Variants in SLC24A2 observed in about 807,000 individuals in gnomAD.
The protein encoded by SLC24A2 is solute carrier family 24 member 2.
A neutral mutation model predicts 62.0 loss-of-function variants in SLC24A2; 36 were observed. The ratio of observed to expected loss-of-function variants is 0.58; its 90% confidence interval spans 0.44 to 0.77. The LOEUF (loss-of-function observed/expected upper bound fraction) is 0.77. Ranked by LOEUF, SLC24A2 falls within the 30% of genes least tolerant of loss-of-function variation. The pLI is 0.00. For synonymous variants in SLC24A2, 358 were observed against 294.0 expected, an observed-to-expected ratio of 1.22 and a Z score of -2.23; for missense variants, 846 against 817.9, an observed-to-expected ratio of 1.03 and a Z score of -0.42.
the SLC24A2 span, among the ~76,000 whole-genome samples, chr9:19,978,117 C>T: frequency 6.6e-6 from 1 of 152,138 alleles, no homozygotes; most frequent in African/African-American, 2.4e-5. Context: ...TTTCTATACT[C>T]TTGAATTTGT....
intron 2 of SLC24A2, among the ~76,000 whole-genome samples, chr9:19,747,678 C>T (rs961276294): frequency 1.2e-4 from 18 of 152,154 alleles, no homozygotes; most frequent in African/African-American, 4.3e-4. Flanking sequence ...TTCTCTAACT[C>T]ATATATTTCT....
At chr9:20,205,781 C>A in the SLC24A2 span, among the ~76,000 whole-genome samples, 23 of 151,528 alleles carry the variant, frequency 1.5e-4, no homozygotes, top group African/African-American at 5.3e-4. Context: ...ACAACTGACA[C>A]TATTTGCTAT....
the SLC24A2 span, among the ~76,000 whole-genome samples, chr9:20,215,798 G>A: frequency 6.6e-6 from 1 of 151,768 alleles, no homozygotes; most frequent in Non-Finnish European, 1.5e-5. Context: ...GGCTGGGCCT[G>A]TGAGATTACT....
intron 2 of SLC24A2, among the ~76,000 whole-genome samples, chr9:19,716,425 G>T (rs918558853): frequency 6.6e-6 from 1 of 152,134 alleles, no homozygotes; most frequent in African/African-American, 2.4e-5. Context: ...GATAGAACAG[G>T]GTTCCTAGCT....
At chr9:20,088,308 G>C in the SLC24A2 span, among the ~76,000 whole-genome samples, 1 of 152,260 alleles carries the variant, frequency 6.6e-6, no homozygotes, top group East Asian at 1.9e-4. Context: ...CTCCCAGAGG[G>C]AGGGGCAGGC....
At chr9:19,768,536 T>C (rs1822586243) in intron 2 of SLC24A2, among the ~76,000 whole-genome samples, 1 of 152,160 alleles carries the variant, frequency 6.6e-6, no homozygotes, top group Non-Finnish European at 1.5e-5. Flanking sequence ...GTTTCTTAAA[T>C]TTGATAACTG....
chr9:19,527,393 G>A (rs1315295128), intron 9 of SLC24A2, among the ~76,000 whole-genome samples: 1 of 152,176 alleles, frequency 6.6e-6, no homozygotes, highest in Non-Finnish European at 1.5e-5. Context: ...TTGAACCTAT[G>A]TATAGGGTTA....
At chr9:19,747,550 T>A (rs149437025) in intron 2 of SLC24A2, among the ~76,000 whole-genome samples, 2,819 of 152,318 alleles carry the variant, frequency 0.019, 58 homozygotes, top group South Asian at 0.066. Flanking sequence ...GTAATCAGCA[T>A]TTAATAGAAG....
chr9:20,274,367 GA>G, the SLC24A2 span, among the ~76,000 whole-genome samples: 2 of 152,180 alleles, frequency 1.3e-5, no homozygotes, highest in East Asian at 3.8e-4. Context: ...TAGCTCGCAT[GA>G]AGGACTTTGA....
the SLC24A2 span, among the ~76,000 whole-genome samples, chr9:20,134,660 A>G: frequency 6.6e-6 from 1 of 152,196 alleles, no homozygotes; most frequent in Non-Finnish European, 1.5e-5. Context: ...TTAGAGTCCC[A>G]TTAGTTTTCT....
chr9:20,134,976 C>T, the SLC24A2 span, among the ~76,000 whole-genome samples: 1 of 152,152 alleles, frequency 6.6e-6, no homozygotes, highest in African/African-American at 2.4e-5. Context: ...TCAGGCACCA[C>T]ATTATGTGAG....
chr9:20,011,402 T>C, the SLC24A2 span, among the ~76,000 whole-genome samples: 1 of 152,188 alleles, frequency 6.6e-6, no homozygotes, highest in South Asian at 2.1e-4. Flanking sequence ...GCTGCATAAA[T>C]GTCTTCTTTT....
chr9:19,821,295 A>G, the SLC24A2 span, among the ~76,000 whole-genome samples: 2 of 152,168 alleles, frequency 1.3e-5, no homozygotes, highest in Non-Finnish European at 1.5e-5. Context: ...TAGATTCTGC[A>G]TCTAGAATAC....
chr9:19,690,912 T>C (rs1351898921), intron 2 of SLC24A2, among the ~76,000 whole-genome samples: 1 of 132,040 alleles, frequency 7.6e-6, no homozygotes, highest in Admixed American at 8.1e-5. Flanking sequence ...ATTGTGTGTG[T>C]GCGTGTGAGA....
intron 5 of SLC24A2, among the ~76,000 whole-genome samples, chr9:19,583,611 G>A (rs554226014): frequency 3.3e-4 from 50 of 152,192 alleles, no homozygotes; most frequent in African/African-American, 1.1e-3. Context: ...CTTCCTGTAC[G>A]CCAATGACCC....
chr9:20,041,106 C>T, the SLC24A2 span, among the ~76,000 whole-genome samples: 1 of 152,200 alleles, frequency 6.6e-6, no homozygotes, highest in Non-Finnish European at 1.5e-5. Flanking sequence ...TGTGTGCTTG[C>T]ATATGAGAAT....
chr9:20,032,419 T>TATTC, the SLC24A2 span, among the ~76,000 whole-genome samples: 100,380 of 151,586 alleles, frequency 0.66, 34,081 homozygotes, highest in East Asian at 0.95. Flanking sequence ...ATTGAATTAG[T>TATTC]ATTAATTAGT....
chr9:19,622,273 T>C lies in SLC24A2; in HGVS notation c.957A>G (p.Glu319=). The change falls in exon 3 of 11, where the codon GAA becomes GAG. Residue 319 remains glutamate, a synonymous_variant. Coordinates refer to ENST00000341998, the MANE Select transcript of SLC24A2 (RefSeq NM_020344.4). ...AKPSAARDKD[E]PTLPAKPRLQ... is the part of the protein sequence containing the mutation. ...CACTGCTTCCTACCGGTAGAGTTGG[T>C]TCATCCTTGTCCCTGGCTGCAGATG... 1 of 1,612,826 alleles carries C rather than the reference T, an allele frequency of 6.2e-7. No individual in the cohort carries two copies. The highest frequency in any genetic ancestry group is 8.5e-7 in the Non-Finnish European group (1 of 1,179,090).
the SLC24A2 span, among the ~76,000 whole-genome samples, chr9:20,198,293 C>G: frequency 1.3e-5 from 2 of 152,220 alleles, no homozygotes; most frequent in East Asian, 1.9e-4. Flanking sequence ...AATTGTTGCT[C>G]TGACTTTATT....
Sources: allele counts gnomAD v4.1 joint callset (sites outside exome capture counted in the v4.1 genomes callset), GRCh38; gene constraint gnomAD v4.1.1; transcripts MANE v1.5; gene names NCBI Gene and HGNC (gene_info 2026-07-23, HGNC 2026-07-21).